Variants in ZNF33B observed in about 807,000 individuals in gnomAD.
ZNF33B encodes the protein zinc finger protein 11b (KOX 2).
A neutral mutation model predicts 45.8 loss-of-function variants in ZNF33B; 29 were observed. The observed-to-expected ratio is 0.63, with a 90% CI of 0.47 to 0.86. The LOEUF (loss-of-function observed/expected upper bound fraction) is 0.86. Ranked by LOEUF, ZNF33B falls within the 40% of genes least tolerant of loss-of-function variation. ZNF33B has a pLI of 0.00. For synonymous variants in ZNF33B, 305 were observed against 307.8 expected (o/e 0.99, Z 0.10); for missense variants, 831 against 909.9 (o/e 0.91, Z 1.12).
At position 42,593,089 on chromosome 10, in the gene ZNF33B, T is replaced by C; in HGVS notation, c.1861A>G (p.Lys621Glu). 1.2e-6 allele frequency: 2 copies of C among 1,614,116 alleles called. No individual in the cohort carries two copies. Among genetic ancestry groups the C allele is most frequent in the Non-Finnish European group, 1.7e-6 (2 of 1,179,988 alleles). The stretch of plus-strand genomic sequence containing the variant: ...CTCTGATGCTGAGTGAGTTGTGACT[T>C]CTGGCAGAAGGTTTTTCCACATTCA... ...CNECGKTFCQKSQLTQHQRIH... is the reference protein window; with the variant it reads ...CNECGKTFCQESQLTQHQRIH... Residue 621 changes from lysine to glutamate, a missense_variant, in exon 5 of 5, where the codon AAG (lysine) becomes GAG (glutamate). Transcript: ENST00000359467.
downstream of ZNF33B, among the ~76,000 whole-genome samples, chr10:42,587,702 C>T (rs1243837301): frequency 6.6e-6 from 1 of 152,130 alleles, no homozygotes; most frequent in Non-Finnish European, 1.5e-5. Context: ...GGCATGTTGG[C>T]AAGTATCAGT....
chr10:42,597,382 A>T (rs568008100), intron 4 of ZNF33B, among the ~76,000 whole-genome samples: 100 of 152,222 alleles, frequency 6.6e-4, no homozygotes, highest in African/African-American at 2.2e-3. Context: ...AAAACAACAT[A>T]AATTTACAAA....
chr10:42,620,124 G>C (rs1397856728), intron 4 of ZNF33B, among the ~76,000 whole-genome samples: 1 of 150,804 alleles, frequency 6.6e-6, no homozygotes, highest in Non-Finnish European at 1.5e-5. Flanking sequence ...GCTGCGGCAT[G>C]AGAATTGCTT....
intron 4 of ZNF33B, among the ~76,000 whole-genome samples, chr10:42,604,359 G>A (rs1379799514): frequency 6.6e-6 from 1 of 151,714 alleles, no homozygotes; most frequent in Admixed American, 6.6e-5. Flanking sequence ...GCAAGAGAAT[G>A]GCTTGAACCT....
In ZNF33B at chr10:42,633,209, A is replaced by G. The variant is rs148521692; in HGVS notation, c.10-770T>C. ...GTTCTAATCCTTTAATTCAAAGACA[A>G]TAATAGGGATGTGTAGAAAATGGAA... On this transcript the variant is annotated intron_variant, in intron 2 of 4. Coordinates refer to ENST00000359467, the MANE Select transcript of ZNF33B (RefSeq NM_006955.3). Among the ~76,000 whole-genome samples the G allele has an allele frequency of 7.2e-3, 1,098 of 152,332 alleles. 19 individuals carry two copies. The highest frequency in any genetic ancestry group is 0.025 in the African/African-American group (1,041 of 41,578).
intron 2 of ZNF33B, among the ~76,000 whole-genome samples, chr10:42,633,113 T>C (rs1361357274): frequency 6.6e-6 from 1 of 152,276 alleles, no homozygotes; most frequent in Non-Finnish European, 1.5e-5. Context: ...TTATGAATTC[T>C]AATTTAATTC....
intron 4 of ZNF33B, among the ~76,000 whole-genome samples, chr10:42,618,797 T>C (rs1564518812): frequency 6.6e-6 from 1 of 152,210 alleles, no homozygotes; most frequent in African/African-American, 2.4e-5. Flanking sequence ...TTCTCTCATA[T>C]TGATACTCCC....
chr10:42,581,301 TA>T (rs1297184005), intron 1 of ZNF33B, among the ~76,000 whole-genome samples: 1 of 151,458 alleles, frequency 6.6e-6, no homozygotes, highest in Non-Finnish European at 1.5e-5. Flanking sequence ...ACCTCGTTAC[TA>T]AAAATACAAA....
intron 4 of ZNF33B, among the ~76,000 whole-genome samples, chr10:42,630,452 G>T (rs12256867): frequency 0.13 from 20,163 of 152,042 alleles, 1,812 homozygotes; most frequent in African/African-American, 0.26. Flanking sequence ...TTAACTTATT[G>T]GATGTTACTT....
chr10:42,595,549 A>C (rs1238863652), intron 4 of ZNF33B, among the ~76,000 whole-genome samples: 1 of 152,104 alleles, frequency 6.6e-6, no homozygotes, highest in African/African-American at 2.4e-5. Context: ...TAAAACCCCA[A>C]CCTCCAGTGT....
At chr10:42,618,118 T>TAAAC (rs1838406024) in intron 4 of ZNF33B, among the ~76,000 whole-genome samples, 1 of 152,216 alleles carries the variant, frequency 6.6e-6, no homozygotes, top group Non-Finnish European at 1.5e-5. Context: ...ACTCTTGATA[T>TAAAC]CATTACCAGT....
Position 42,582,893 on chromosome 10 carries a change from G to A in ZNF33B, c.74-8215C>T, listed in dbSNP as rs17157520. On this transcript the variant is annotated intron_variant, in intron 1 of 1. Transcript: ENST00000462075. ...CAGTGCATCTCTTTGAAGTAGAAAC[G>A]TCTCTTTAGGCTGTTTCCAAATTTG... 3.1e-3 allele frequency: 1,371 copies of A among 443,128 alleles called. 12 individuals carry two copies. Among genetic ancestry groups the A allele is most frequent in the African/African-American group, 0.024 (1,198 of 50,628 alleles). 27.4% of individuals were successfully genotyped at this position (443,128 alleles called of 1,614,324 possible).
intron 1 of ZNF33B, among the ~76,000 whole-genome samples, chr10:42,580,535 G>A (rs113943139): frequency 0.064 from 9,726 of 151,902 alleles, 409 homozygotes; most frequent in Admixed American, 0.14. Context: ...ACTGTGCCTC[G>A]CCTCTACTAA....
intron 2 of ZNF33B, among the ~76,000 whole-genome samples, chr10:42,635,025 T>C (rs1259177908): frequency 6.6e-6 from 1 of 152,142 alleles, no homozygotes; most frequent in Non-Finnish European, 1.5e-5. Flanking sequence ...GGCAGGCGAA[T>C]CACTTGAGGC....
At chr10:42,606,175 A>T (rs1357802231) in intron 4 of ZNF33B, among the ~76,000 whole-genome samples, 1 of 152,076 alleles carries the variant, frequency 6.6e-6, no homozygotes, top group Non-Finnish European at 1.5e-5. Context: ...AAAAAAAATA[A>T]GCAGAGCAGC....
chr10:42,599,833 T>C (rs1244033353), intron 4 of ZNF33B, among the ~76,000 whole-genome samples: 3 of 152,078 alleles, frequency 2.0e-5, no homozygotes, highest in Non-Finnish European at 4.4e-5. Context: ...TTGTATGTAT[T>C]TTATATTTCC....
chr10:42,597,305 T>G (rs1220872801), intron 4 of ZNF33B, among the ~76,000 whole-genome samples: 1 of 152,046 alleles, frequency 6.6e-6, no homozygotes, highest in Non-Finnish European at 1.5e-5. Context: ...AAAAGTAAAA[T>G]AAATTATGCT....
chr10:42,577,043 G>T (rs1293361203), intron 1 of ZNF33B, among the ~76,000 whole-genome samples: 1 of 144,270 alleles, frequency 6.9e-6, no homozygotes, highest in Non-Finnish European at 1.5e-5. Context: ...TGAGACAGGA[G>T]AATTGCTTGA....
chr10:42,586,013 G>C (rs1292573387), downstream of ZNF33B, among the ~76,000 whole-genome samples: 1 of 152,176 alleles, frequency 6.6e-6, no homozygotes, highest in Non-Finnish European at 1.5e-5. Flanking sequence ...CTAGTTCATA[G>C]CTTGAATCTG....
Sources: allele counts gnomAD v4.1 joint callset (sites outside exome capture counted in the v4.1 genomes callset), GRCh38; gene constraint gnomAD v4.1.1; transcripts MANE v1.5; gene names NCBI Gene and HGNC (gene_info 2026-07-23, HGNC 2026-07-21).